Variants in PDE4B observed in about 807,000 individuals in gnomAD.
The protein encoded by PDE4B is phosphodiesterase 4B.
A neutral mutation model predicts 82.2 loss-of-function variants in PDE4B; 20 were observed. That is an observed-to-expected ratio of 0.24 (90% confidence interval 0.17 to 0.35). The LOEUF is 0.35. Ranked by LOEUF, PDE4B falls within the 10% of genes least tolerant of loss-of-function variation. The probability of loss-of-function intolerance (pLI) is 1.00; values close to 1 mark genes in which losing one functional copy is unlikely to be tolerated. For synonymous variants in PDE4B, 320 were observed against 318.9 expected (o/e 1.00, Z -0.04); for missense variants, 655 against 907.2 (o/e 0.72, Z 3.57).
At chr1:65,819,726 C>T (rs1428804933) in intron 1 of PDE4B, among the ~76,000 whole-genome samples, 1 of 152,038 alleles carries the variant, frequency 6.6e-6, no homozygotes, top group Admixed American at 6.6e-5. Context: ...GTCTCGATCT[C>T]CTGACCTCAT....
intron 1 of PDE4B, among the ~76,000 whole-genome samples, chr1:65,816,490 C>G (rs575865694): frequency 6.6e-6 from 1 of 151,928 alleles, no homozygotes; most frequent in African/African-American, 2.4e-5. Context: ...ACAATTTTCC[C>G]CAAAGGCAAA....
At chr1:66,055,064 C>T (rs1330774604) in intron 3 of PDE4B, among the ~76,000 whole-genome samples, 1 of 152,140 alleles carries the variant, frequency 6.6e-6, no homozygotes, top group African/African-American at 2.4e-5. Context: ...ATATCAAAGT[C>T]TTGATTTTAC....
rs776389769 is a variant in PDE4B, at chr1:65,918,626, G to A, written c.72G>A (p.Leu24=). Residue 24 remains leucine, a synonymous_variant, in exon 3 of 17, where the codon TTG becomes TTA. Coordinates refer to ENST00000341517, the MANE Select transcript of PDE4B (RefSeq NM_002600.4). The stretch of plus-strand genomic sequence containing the variant: ...TTAAAGATTATTTTGAATGTAGCTT[G>A]AGTAAATCCTACAGTTCTTCCAGTA... The part of the protein sequence containing the change: ...DNVKDYFECS[L]SKSYSSSSNT... 6.2e-7 allele frequency: 1 copy of A among 1,608,606 alleles called. No individual in the cohort carries two copies. The highest frequency in any genetic ancestry group is 1.3e-5 in the African/African-American group (1 of 74,782).
chr1:65,867,753 G>C (rs1166485605), intron 1 of PDE4B, among the ~76,000 whole-genome samples: 1 of 152,182 alleles, frequency 6.6e-6, no homozygotes, highest in Non-Finnish European at 1.5e-5. Flanking sequence ...TCATTGTTCA[G>C]AAGGTTAGTG....
rs528119502 is a variant in PDE4B at position 65,946,531 on chromosome 1, C to T, written c.281+27696C>T. On this transcript the variant is annotated intron_variant, in intron 3 of 16. Coordinates refer to ENST00000341517, the MANE Select transcript of PDE4B (RefSeq NM_002600.4). The stretch of plus-strand genomic sequence containing the variant: ...CAGCTGGTGAGAGCAGTTCTGGTCA[C>T]GTGGTCACTTGATGTCATTTGAGTT... Among the ~76,000 whole-genome samples, 15 of 152,092 alleles carry T rather than the reference C, an allele frequency of 9.9e-5. No homozygotes were observed. The East Asian group carries it at 1.7e-3, about 18-fold the overall frequency.
At chr1:65,817,826 G>T (rs192365461) in intron 1 of PDE4B, among the ~76,000 whole-genome samples, 19 of 152,090 alleles carry the variant, frequency 1.2e-4, no homozygotes, top group African/African-American at 3.1e-4. Context: ...AATGTCTTCT[G>T]TAAAATTATA....
chr1:66,302,399 G>A (rs1570654264), intron 7 of PDE4B, among the ~76,000 whole-genome samples: 1 of 152,140 alleles, frequency 6.6e-6, no homozygotes, highest in Non-Finnish European at 1.5e-5. Flanking sequence ...TGGTCTTTTG[G>A]CTTTGATCAC....
At chr1:66,204,871 G>T (rs1649414683) in intron 3 of PDE4B, among the ~76,000 whole-genome samples, 1 of 152,284 alleles carries the variant, frequency 6.6e-6, no homozygotes, top group African/African-American at 2.4e-5. Flanking sequence ...CCACTGTCTG[G>T]CACTCCCTAG....
At chr1:66,212,658 G>A (rs1306256984) in intron 3 of PDE4B, among the ~76,000 whole-genome samples, 2 of 151,586 alleles carry the variant, frequency 1.3e-5, no homozygotes, top group East Asian at 3.9e-4. Flanking sequence ...CATTTCTTTT[G>A]TGCCCACAAG....
At chr1:65,839,320 G>A (rs548227906) in intron 1 of PDE4B, among the ~76,000 whole-genome samples, 1 of 151,582 alleles carries the variant, frequency 6.6e-6, no homozygotes, top group Non-Finnish European at 1.5e-5. Flanking sequence ...TGCAGAACAT[G>A]CAGGTTTCTT....
At chr1:65,814,823 T>C (rs1045508687) in intron 1 of PDE4B, among the ~76,000 whole-genome samples, 9 of 152,082 alleles carry the variant, frequency 5.9e-5, no homozygotes, top group Non-Finnish European at 8.8e-5. Flanking sequence ...TTCCCAGGTG[T>C]AAACTATTAC....
chr1:66,254,712 A>C (rs1332626506), intron 4 of PDE4B, among the ~76,000 whole-genome samples: 1 of 152,148 alleles, frequency 6.6e-6, no homozygotes, highest in African/African-American at 2.4e-5. Flanking sequence ...GTTTTCTCAG[A>C]TATCCATTTT....
intron 1 of PDE4B, among the ~76,000 whole-genome samples, chr1:65,837,808 G>C (rs917187308): frequency 1.3e-5 from 2 of 152,156 alleles, no homozygotes; most frequent in Non-Finnish European, 2.9e-5. Context: ...GTGTGTGTGT[G>C]TGTGAGAGAG....
intron 3 of PDE4B, among the ~76,000 whole-genome samples, chr1:66,203,678 A>G (rs1014495257): frequency 3.3e-5 from 5 of 151,950 alleles, no homozygotes; most frequent in Non-Finnish European, 5.9e-5. Flanking sequence ...GTAGTTCTCG[A>G]GCCTTGGCTT....
chr1:65,883,583 A>T (rs1571064819), intron 1 of PDE4B, among the ~76,000 whole-genome samples: 1 of 152,184 alleles, frequency 6.6e-6, no homozygotes, highest in African/African-American at 2.4e-5. Flanking sequence ...TTCTAGATAT[A>T]CAATCATGTC....
chr1:65,945,024 G>A (rs1648637101), intron 3 of PDE4B, among the ~76,000 whole-genome samples: 1 of 151,994 alleles, frequency 6.6e-6, no homozygotes, highest in African/African-American at 2.4e-5. Context: ...CATGGAAATA[G>A]GCAGCACATA....
chr1:66,184,190 A>G (rs1344351526), intron 3 of PDE4B, among the ~76,000 whole-genome samples: 1 of 152,172 alleles, frequency 6.6e-6, no homozygotes, highest in African/African-American at 2.4e-5. Flanking sequence ...GGAGTAAAAC[A>G]AATCTGTCCT....
At chr1:66,075,150 T>G (rs1656352691) in intron 3 of PDE4B, among the ~76,000 whole-genome samples, 1 of 152,032 alleles carries the variant, frequency 6.6e-6, no homozygotes, top group African/African-American at 2.4e-5. Context: ...GTGGTACCTC[T>G]GCTACTGCTA....
At chr1:65,947,994 CA>C (rs1648797542) in intron 3 of PDE4B, among the ~76,000 whole-genome samples, 1 of 147,716 alleles carries the variant, frequency 6.8e-6, no homozygotes, top group Non-Finnish European at 1.5e-5. Context: ...ATAATATATG[CA>C]TACATATACA....
Sources: allele counts gnomAD v4.1 joint callset (sites outside exome capture counted in the v4.1 genomes callset), GRCh38; gene constraint gnomAD v4.1.1; transcripts MANE v1.5; gene names NCBI Gene and HGNC (gene_info 2026-07-23, HGNC 2026-07-21).